Variants in SCN3A observed in about 807,000 individuals in gnomAD.
The protein encoded by SCN3A is sodium channel protein type 3 subunit alpha.
In SCN3A, 60 loss-of-function variants were observed where a neutral mutation model predicts 187.6. The ratio of observed to expected loss-of-function variants is 0.32; its 90% CI spans 0.26 to 0.40. SCN3A has a LOEUF of 0.40. Ranked by LOEUF, SCN3A falls within the 10% of genes least tolerant of loss-of-function variation. The pLI, the probability that SCN3A is intolerant of heterozygous loss-of-function variation, is 1.00. For missense variants in SCN3A, 1,601 were observed against 2,428.2 expected (o/e 0.66, Z 7.16); for synonymous variants, 788 against 829.2 (o/e 0.95, Z 0.85).
chr2:165,178,142 G>T (rs1023907262), intron 2 of SCN3A, among the ~76,000 whole-genome samples: 49 of 152,062 alleles, frequency 3.2e-4, no homozygotes, highest in East Asian at 9.7e-4. Context: ...GTGTGTGGGG[G>T]TTTTTTTGCT....
chr2:165,154,663 G>C lies in SCN3A; in HGVS notation c.1174-5C>G. 6.2e-7 allele frequency: 1 copy of C among 1,608,736 alleles called. No homozygotes were observed. Among genetic ancestry groups the C allele is most frequent in the Non-Finnish European group, 8.5e-7 (1 of 1,175,222 alleles). On this transcript the variant is annotated splice_polypyrimidine_tract_variant and splice_region_variant and intron_variant, in intron 10 of 27. Transcript: ENST00000283254. ...TTTCCCAGCAGCACGTAATGTCTAG[G>C]GGAAATGGGGGATAATTCCATCAGT...
intron 21 of SCN3A, among the ~76,000 whole-genome samples, chr2:165,100,841 G>A (rs1264154933): frequency 2.0e-5 from 3 of 152,168 alleles, no homozygotes; most frequent in African/African-American, 7.2e-5. Context: ...CATTCACCAT[G>A]TAATAGCGTT....
At chr2:165,160,889 C>G (rs889422526) in intron 9 of SCN3A, among the ~76,000 whole-genome samples, 1 of 152,068 alleles carries the variant, frequency 6.6e-6, no homozygotes, top group Non-Finnish European at 1.5e-5. Flanking sequence ...AATCCCCCTG[C>G]CTCTGCTTCC....
chr2:165,091,704 A>C (rs1056601296), intron 27 of SCN3A: 2 of 301,882 alleles, frequency 6.6e-6, no homozygotes, highest in Admixed American at 9.6e-5. Flanking sequence ...TTTTTTAATG[A>C]TACTCTTCAG....
In SCN3A at chr2:165,186,671, C is replaced by T. The variant is rs1224526673; in HGVS notation, c.-171G>A. 1 of 152,158 alleles carries T rather than the reference C, an allele frequency of 6.6e-6. No individual in the cohort carries two copies. Among genetic ancestry groups the T allele is most frequent in the Non-Finnish European group, 1.5e-5 (1 of 68,062 alleles). 9.4% of individuals were successfully genotyped at this position (152,158 alleles called of 1,614,324 possible). ...GCTCCTTTCCCAGTAAGCCACTCTA[C>T]TATGAATCCTTGACAGGTATCTCAT... On this transcript the variant is annotated 5_prime_UTR_variant, in exon 2 of 28. Coordinates refer to ENST00000283254, the MANE Select transcript of SCN3A (RefSeq NM_006922.4).
chr2:165,128,792 CTTTG>C (rs773084767), intron 17 of SCN3A, among the ~76,000 whole-genome samples: 49 of 120,188 alleles, frequency 4.1e-4, no homozygotes, highest in Non-Finnish European at 6.8e-4. Context: ...TTCTTTCTTT[CTTTG>C]TGTGTATGTG....
At chr2:165,147,997 A>C (rs1316114455) in intron 11 of SCN3A, among the ~76,000 whole-genome samples, 3 of 152,150 alleles carry the variant, frequency 2.0e-5, no homozygotes, top group African/African-American at 7.2e-5. Flanking sequence ...TGACAATATC[A>C]GTTAAACTTT....
intron 18 of SCN3A, among the ~76,000 whole-genome samples, chr2:165,123,298 T>C (rs1440169148): frequency 6.6e-6 from 1 of 152,160 alleles, no homozygotes; most frequent in East Asian, 1.9e-4. Flanking sequence ...TATACAGATG[T>C]AATATATATA....
intron 11 of SCN3A, 43 bp downstream of exon 11, chr2:165,154,406 AAAC>A: frequency 6.3e-7 from 1 of 1,594,022 alleles, no homozygotes; most frequent in Non-Finnish European, 8.6e-7. Context: ...TTCTACTTAG[AAAC>A]TAATAATAAT....
At chr2:165,156,496 GA>G (rs2105869600) in intron 9 of SCN3A, among the ~76,000 whole-genome samples, 1 of 105,252 alleles carries the variant, frequency 9.5e-6, no homozygotes, top group African/African-American at 3.7e-5. Context: ...CTGGGTGACA[GA>G]GCGAGACTCT....
chr2:165,147,064 A>T, intron 11 of SCN3A, 35 bp from the exon 12 acceptor site: 1 of 1,612,488 alleles, frequency 6.2e-7, no homozygotes, highest in African/African-American at 1.3e-5. Context: ...TATTTAGAAC[A>T]CAGAGCTTTG....
chr2:165,101,022 T>G (rs977262728), intron 21 of SCN3A, among the ~76,000 whole-genome samples: 1 of 152,306 alleles, frequency 6.6e-6, no homozygotes, highest in Non-Finnish European at 1.5e-5. Context: ...ACTGCTGGAC[T>G]TAAGATTTAG....
intron 14 of SCN3A, among the ~76,000 whole-genome samples, chr2:165,138,659 T>C (rs896348408): frequency 6.6e-6 from 1 of 152,178 alleles, no homozygotes; most frequent in African/African-American, 2.4e-5. Flanking sequence ...TTTGTACATA[T>C]CTTTTAGAAT....
chr2:165,125,852 A>C (rs1017733095), intron 18 of SCN3A, among the ~76,000 whole-genome samples: 2 of 152,204 alleles, frequency 1.3e-5, no homozygotes, highest in Non-Finnish European at 2.9e-5. Flanking sequence ...TTGAATTCTT[A>C]GTTTGTCAGA....
rs984447366 is a variant in SCN3A at position 165,162,759 on chromosome 2, A to G, written c.764T>C (p.Val255Ala). ...GAGAGCAAACACGCTCAGACAGAAC[A>G]CAGTCAGGATCATCACATCAGAAAG... is the stretch of plus-strand genomic sequence containing the variant. ...KKLSDVMILT[V>A]FCLSVFALIG... Residue 255 changes from valine to alanine, a missense_variant, in exon 8 of 28, where the codon GTG (valine) becomes GCG (alanine). Physicochemically the swap from Val to Ala is moderately conservative, Grantham distance 64. Around this residue, in one of 11 missense-constraint regions of SCN3A, gnomAD observed 104 missense variants for 102.7 expected, o/e 1.01. Coordinates refer to ENST00000283254, the MANE Select transcript of SCN3A (RefSeq NM_006922.4). 1.9e-6 allele frequency: 3 copies of G among 1,614,112 alleles called. No individual in the cohort carries two copies. Among genetic ancestry groups the G allele is most frequent in the Non-Finnish European group, 2.5e-6 (3 of 1,179,990 alleles).
At chr2:165,186,954 G>A (rs1365492854) in intron 1 of SCN3A, among the ~76,000 whole-genome samples, 1 of 152,132 alleles carries the variant, frequency 6.6e-6, no homozygotes, top group African/African-American at 2.4e-5. Flanking sequence ...ACCACTGCCA[G>A]GATCCTAGGG....
intron 15 of SCN3A, among the ~76,000 whole-genome samples, chr2:165,134,172 A>G (rs373242183): frequency 6.6e-6 from 1 of 152,332 alleles, no homozygotes; most frequent in South Asian, 2.1e-4. Flanking sequence ...GAGTGGCTAG[A>G]TAAATGTGTA....
chr2:165,162,390 A>G lies in SCN3A; in HGVS notation c.968-19T>C. 6.2e-7 allele frequency: 1 copy of G among 1,601,866 alleles called. No homozygotes were observed. The highest frequency in any genetic ancestry group is 8.5e-7 in the Non-Finnish European group (1 of 1,171,634). The stretch of plus-strand genomic sequence containing the variant: ...AAGTGACCTGTTAATACAAAAAAAA[A>G]CCCATTTTATTTCATATTAATCCTA... On this transcript the variant is annotated intron_variant, in intron 8 of 27. Transcript: ENST00000283254.
chr2:165,153,986 C>CTTTTTTTTTTTTTT (rs1559237785), intron 11 of SCN3A, among the ~76,000 whole-genome samples: 2 of 39,164 alleles, frequency 5.1e-5, no homozygotes, highest in African/African-American at 2.7e-4. Context: ...CTATAGCAAA[C>CTTTTTTTTTTTTTT]ATTTTTTTTT....
Sources: gnomAD v4.1 joint callset for allele counts (sites outside exome capture counted in the v4.1 genomes callset) on GRCh38, gnomAD v4.1.1 for gene constraint, gnomAD v4.1.1 regional missense constraint, MANE v1.5 for transcripts, NCBI Gene and HGNC (gene_info 2026-07-23, HGNC 2026-07-21) for gene names.